Variants in CADM2 observed in about 807,000 individuals in gnomAD.
CADM2 encodes immunoglobulin superfamily member 4D.
CADM2 carries 12 observed loss-of-function variants against 49.8 expected under a neutral mutation model. The ratio of observed to expected loss-of-function variants is 0.24; its 90% CI spans 0.15 to 0.39. The LOEUF is 0.39. Ranked by LOEUF, CADM2 falls within the 10% of genes least tolerant of loss-of-function variation. The pLI, the probability that CADM2 is intolerant of heterozygous loss-of-function variation, is 1.00. For missense variants in CADM2, 378 were observed against 492.3 expected (o/e 0.77, Z 2.20); for synonymous variants, 214 against 175.4 (o/e 1.22, Z -1.74).
chr3:85,365,630 G>T (rs2032731269), intron 1 of CADM2, among the ~76,000 whole-genome samples: 5 of 151,926 alleles, frequency 3.3e-5, no homozygotes, highest in Admixed American at 3.3e-4. Context: ...TTTGTTAGTT[G>T]TTCATTTACC....
intron 1 of CADM2, among the ~76,000 whole-genome samples, chr3:84,966,823 A>T (rs1345220411): frequency 1.3e-5 from 2 of 152,036 alleles, no homozygotes; most frequent in African/African-American, 4.8e-5. Flanking sequence ...CAGCCATTTC[A>T]TTGTTGAAGA....
chr3:84,973,405 C>T (rs1368148717), intron 1 of CADM2, among the ~76,000 whole-genome samples: 1 of 151,602 alleles, frequency 6.6e-6, no homozygotes, highest in Non-Finnish European at 1.5e-5. Context: ...AGTCGTTTAT[C>T]CTGAAAACGT....
intron 6 of CADM2, among the ~76,000 whole-genome samples, chr3:85,924,441 T>C (rs531540162): frequency 2.6e-5 from 4 of 151,672 alleles, no homozygotes; most frequent in Middle Eastern, 6.8e-3. Flanking sequence ...AAATACAAAA[T>C]AATTAGCCAT....
At chr3:85,406,202 C>G (rs1036970264) in intron 1 of CADM2, among the ~76,000 whole-genome samples, 1 of 152,152 alleles carries the variant, frequency 6.6e-6, no homozygotes, top group East Asian at 1.9e-4. Flanking sequence ...TGGATTACAT[C>G]TTCTCAATTC....
chr3:85,587,044 A>C (rs2062964473), intron 1 of CADM2, among the ~76,000 whole-genome samples: 1 of 152,114 alleles, frequency 6.6e-6, no homozygotes, highest in African/African-American at 2.4e-5. Flanking sequence ...GGTGTCATAC[A>C]TTTGAAGTTT....
intron 1 of CADM2, among the ~76,000 whole-genome samples, chr3:85,079,528 A>G (rs1157594077): frequency 6.6e-6 from 1 of 151,896 alleles, no homozygotes; most frequent in Admixed American, 6.6e-5. Flanking sequence ...ACAATGAGAA[A>G]TAAAGCAACA....
At chr3:85,992,266 T>G (rs1728869789) in intron 8 of CADM2, 1 of 152,126 alleles carries the variant, frequency 6.6e-6, no homozygotes, top group African/African-American at 2.4e-5. Context: ...TTATTTTGCA[T>G]GCTTTTTATC....
intron 8 of CADM2, among the ~76,000 whole-genome samples, chr3:86,057,208 A>G (rs959104990): frequency 1.3e-5 from 2 of 152,200 alleles, no homozygotes; most frequent in African/African-American, 4.8e-5. Context: ...CTTATGTCAA[A>G]GAACAGTTTA....
chr3:85,000,963 A>G (rs565881516), intron 1 of CADM2, among the ~76,000 whole-genome samples: 4 of 152,266 alleles, frequency 2.6e-5, no homozygotes, highest in Non-Finnish European at 5.9e-5. Flanking sequence ...TGATTTTGCT[A>G]CATGTTATAA....
rs1008132802 is a variant in CADM2 at position 85,439,294 on chromosome 3, C to T, written c.62-287228C>T. 4.6e-5 allele frequency among the ~76,000 whole-genome samples: 7 copies of T among 151,704 alleles called. No homozygotes were observed. The Admixed American group carries it at 4.6e-4, about 10-fold the overall frequency. On this transcript the variant is annotated intron_variant, in intron 1 of 9. Transcript: ENST00000383699. ...TCAGTCTCCTTAGTAGCTGGGATTA[C>T]AGGCATGCACCACCACTCCTGGCTA...
At chr3:85,551,058 A>G (rs1403210405) in intron 1 of CADM2, among the ~76,000 whole-genome samples, 1 of 152,130 alleles carries the variant, frequency 6.6e-6, no homozygotes, top group Non-Finnish European at 1.5e-5. Flanking sequence ...ATTTTGGCTC[A>G]CTGAGACCTC....
chr3:84,982,478 T>C lies in CADM2; in HGVS notation c.61+22810T>C, dbSNP rs191272506. On this transcript the variant is annotated intron_variant, in intron 1 of 9. Coordinates refer to ENST00000383699, the MANE Select transcript of CADM2 (RefSeq NM_001167675.2). ...TATTTCTACAAAGAAGGTACACTAATTACACGTTTAGGTTTTTATTGTTAA... is the reference window on the plus strand; with the variant it reads ...TATTTCTACAAAGAAGGTACACTAACTACACGTTTAGGTTTTTATTGTTAA... 2.6e-3 allele frequency among the ~76,000 whole-genome samples: 397 copies of C among 151,840 alleles called. 4 individuals are homozygous for C. Among genetic ancestry groups the C allele is most frequent in the African/African-American group, 9.3e-3 (388 of 41,500 alleles).
intron 1 of CADM2, among the ~76,000 whole-genome samples, chr3:85,527,203 T>C (rs191495818): frequency 1.3e-4 from 19 of 151,996 alleles, no homozygotes; most frequent in Admixed American, 5.9e-4. Context: ...CTGGGAATCT[T>C]TGGAGACATG....
At chr3:85,629,000 C>G (rs2064220058) in intron 1 of CADM2, among the ~76,000 whole-genome samples, 1 of 151,476 alleles carries the variant, frequency 6.6e-6, no homozygotes, top group Non-Finnish European at 1.5e-5. Context: ...AGTATATTAG[C>G]AAAATTAGAT....
intron 1 of CADM2, among the ~76,000 whole-genome samples, chr3:85,092,444 G>C (rs967671937): frequency 2.0e-5 from 3 of 151,922 alleles, no homozygotes. Flanking sequence ...TTTAGAGAAA[G>C]ATATATATAT....
At chr3:85,711,446 C>T (rs988444589) in intron 1 of CADM2, among the ~76,000 whole-genome samples, 2 of 152,100 alleles carry the variant, frequency 1.3e-5, no homozygotes, top group Non-Finnish European at 2.9e-5. Flanking sequence ...AAAAATAAAA[C>T]ATTAAGTTTC....
At chr3:85,019,196 A>G (rs1342670401) in intron 1 of CADM2, among the ~76,000 whole-genome samples, 2 of 152,152 alleles carry the variant, frequency 1.3e-5, no homozygotes, top group African/African-American at 4.8e-5. Flanking sequence ...GGCACTGAAA[A>G]TGCTGGGCAG....
chr3:85,938,832 CT>C (rs1229358929), intron 7 of CADM2, among the ~76,000 whole-genome samples: 2 of 151,926 alleles, frequency 1.3e-5, no homozygotes, highest in Admixed American at 1.3e-4. Context: ...ATCTGATCCA[CT>C]TCTCATTAAC....
intron 1 of CADM2, among the ~76,000 whole-genome samples, chr3:85,371,004 A>G (rs535559222): frequency 1.2e-4 from 18 of 152,316 alleles, no homozygotes; most frequent in South Asian, 1.0e-3. Flanking sequence ...TTTTTTTAAA[A>G]AAGTTTTGTA....
Sources: gnomAD v4.1 joint callset for allele counts (sites outside exome capture counted in the v4.1 genomes callset) on GRCh38, gnomAD v4.1.1 for gene constraint, MANE v1.5 for transcripts, NCBI Gene and HGNC (gene_info 2026-07-23, HGNC 2026-07-21) for gene names.